The following SH3D19 variants were observed in gnomAD, a reference collection of about 807,000 sequenced individuals.
SH3D19 encodes the protein SH3 domain-containing protein 19.
A neutral mutation model predicts 112.1 loss-of-function variants in SH3D19; 58 were observed. The ratio of observed to expected loss-of-function variants is 0.52; its 90% CI spans 0.42 to 0.64. The LOEUF is 0.64. Among genes scored for constraint, SH3D19 ranks in the 30% least tolerant of loss-of-function variants. The pLI is 0.00. For synonymous variants in SH3D19, 391 were observed against 448.5 expected (o/e 0.87, Z 1.62); for missense variants, 1,090 against 1,263.4 (o/e 0.86, Z 2.08).
intron 2 of SH3D19, among the ~76,000 whole-genome samples, chr4:151,203,115 C>A (rs528525015): frequency 6.6e-6 from 1 of 152,214 alleles, no homozygotes; most frequent in South Asian, 2.1e-4. Flanking sequence ...CTAATCCCAC[C>A]TCATTCCCAC....
intron 1 of SH3D19, among the ~76,000 whole-genome samples, chr4:151,300,299 G>A (rs6852223): frequency 0.079 from 12,028 of 152,046 alleles, 534 homozygotes; most frequent in Middle Eastern, 0.12. Flanking sequence ...TGGACTATGC[G>A]TGATACTATA....
In SH3D19 at chr4:151,247,481, T is replaced by C. The variant is rs538661337; in HGVS notation, c.113-21395A>G. 9.6e-4 allele frequency among the ~76,000 whole-genome samples: 147 copies of C among 152,356 alleles called. 1 individual carries two copies. Among genetic ancestry groups the C allele is most frequent in the African/African-American group, 3.5e-3 (144 of 41,586 alleles). ...TCAGATACAGTCATATATTTTCTAT[T>C]TCTTTTAAAAAATTAAACAGATTCT... On this transcript the variant is annotated intron_variant, in intron 1 of 19. Transcript: ENST00000604030.
chr4:151,189,823 G>T (rs1762361727), intron 2 of SH3D19, among the ~76,000 whole-genome samples: 1 of 152,182 alleles, frequency 6.6e-6, no homozygotes, highest in Non-Finnish European at 1.5e-5. Context: ...GGTACTAGTA[G>T]AGTGGGTGCT....
intron 1 of SH3D19, among the ~76,000 whole-genome samples, chr4:151,251,361 G>A (rs1467389721): frequency 1.3e-5 from 2 of 151,922 alleles, no homozygotes; most frequent in East Asian, 3.9e-4. Flanking sequence ...ACCATGCCCA[G>A]CTAATTTTTG....
chr4:151,166,939 T>C (rs1186480239), intron 7 of SH3D19, among the ~76,000 whole-genome samples: 3 of 152,210 alleles, frequency 2.0e-5, no homozygotes, highest in Admixed American at 2.0e-4. Context: ...CACATATTTA[T>C]GCCAGTAACA....
chr4:151,323,258 C>T (rs1730727451), intron 1 of SH3D19, among the ~76,000 whole-genome samples: 1 of 152,038 alleles, frequency 6.6e-6, no homozygotes, highest in South Asian at 2.1e-4. Context: ...GAAAAGGAAA[C>T]TCTTTAGATT....
rs186989725 is a variant in SH3D19, at chr4:151,237,406, G to A, written c.113-11320C>T. On this transcript the variant is annotated intron_variant, in intron 1 of 19. Coordinates refer to ENST00000604030, the MANE Select transcript of SH3D19 (RefSeq NM_001378122.1). Reference sequence around the variant, plus strand: ...ATAACAGCTTACATAAAGAAGGTCAGCACCAATTGCTTACCATCTCCAGGT... The same window carrying A: ...ATAACAGCTTACATAAAGAAGGTCAACACCAATTGCTTACCATCTCCAGGT... Among the ~76,000 whole-genome samples the A allele has an allele frequency of 1.3e-5, 2 of 152,314 alleles. 1 individual carries two copies. Among genetic ancestry groups the A allele is most frequent in the Non-Finnish European group, 2.9e-5 (2 of 68,030 alleles).
chr4:151,239,754 AAC>A (rs1174173353), intron 1 of SH3D19, among the ~76,000 whole-genome samples: 2 of 152,188 alleles, frequency 1.3e-5, no homozygotes, highest in African/African-American at 4.8e-5. Flanking sequence ...AGCCAAGAAA[AAC>A]AGATTCAAGA....
chr4:151,185,726 A>T (rs531685615), intron 3 of SH3D19, among the ~76,000 whole-genome samples: 1 of 152,328 alleles, frequency 6.6e-6, no homozygotes, highest in South Asian at 2.1e-4. Context: ...AATTGTTCAA[A>T]TGCATATTCT....
At chr4:151,305,957 T>C (rs181803971) in intron 1 of SH3D19, among the ~76,000 whole-genome samples, 309 of 152,306 alleles carry the variant, frequency 2.0e-3, no homozygotes, top group African/African-American at 7.1e-3. Context: ...GTAAAACAGA[T>C]CAAACTATTG....
chr4:151,128,069 CAGACA>C, intron 18 of SH3D19, 96 bp downstream of exon 18: 1 of 944,962 alleles, frequency 1.1e-6, no homozygotes, highest in African/African-American at 1.7e-5. Context: ...CAAATATAGA[CAGACA>C]AACTGAGCAT....
chr4:151,215,832 CTTTT>C (rs112932689), intron 2 of SH3D19, among the ~76,000 whole-genome samples: 1 of 145,800 alleles, frequency 6.9e-6, no homozygotes, highest in Non-Finnish European at 1.5e-5. Context: ...AGGGTTTTAC[CTTTT>C]TTTTTTTTTG....
At chr4:151,162,109 C>T (rs1264289323) in intron 8 of SH3D19, among the ~76,000 whole-genome samples, 3 of 151,990 alleles carry the variant, frequency 2.0e-5, no homozygotes, top group Non-Finnish European at 2.9e-5. Context: ...TTTTAAGCCC[C>T]GCATGCATTA....
chr4:151,164,200 G>A (rs1386833799), intron 8 of SH3D19, among the ~76,000 whole-genome samples: 1 of 152,138 alleles, frequency 6.6e-6, no homozygotes, highest in African/African-American at 2.4e-5. Context: ...TGCTTTAGGA[G>A]GAATGAAGTG....
intron 2 of SH3D19, among the ~76,000 whole-genome samples, chr4:151,211,270 C>CA (rs541426168): frequency 0.03 from 3,159 of 103,720 alleles, 85 homozygotes; most frequent in African/African-American, 0.084. Flanking sequence ...AACTCCATCT[C>CA]AAAAAAAAAA....
At chr4:151,238,447 T>C (rs1183261106) in intron 1 of SH3D19, among the ~76,000 whole-genome samples, 1 of 152,194 alleles carries the variant, frequency 6.6e-6, no homozygotes, top group African/African-American at 2.4e-5. Context: ...GATTTTATTT[T>C]CTTTAAAGGG....
At position 151,165,570 on chromosome 4, in the gene SH3D19, A is replaced by G. The variant is rs1304638801; in HGVS notation, c.1642+19T>C. ...CAGCCTCTTGAAGAAGCTAATAAAG[A>G]AAGCAGAGAAGTGCTTACATTTTCC... On this transcript the variant is annotated intron_variant, in intron 8 of 19. Transcript: ENST00000604030. 2 of 1,577,490 alleles carry G rather than the reference A, an allele frequency of 1.3e-6. No homozygotes were observed. The highest frequency in any genetic ancestry group is 1.7e-6 in the Non-Finnish European group (2 of 1,149,424).
intron 1 of SH3D19, among the ~76,000 whole-genome samples, chr4:151,269,806 AT>A (rs1043940583): frequency 6.6e-6 from 1 of 151,244 alleles, no homozygotes; most frequent in Non-Finnish European, 1.5e-5. Flanking sequence ...CTTTTTAAAA[AT>A]TTTTTATTTT....
chr4:151,247,464 A>G (rs1771024909), intron 1 of SH3D19, among the ~76,000 whole-genome samples: 2 of 152,226 alleles, frequency 1.3e-5, no homozygotes, highest in Admixed American at 1.3e-4. Flanking sequence ...AGTCAGATAC[A>G]GTCATATATT....
Sources: allele counts gnomAD v4.1 joint callset (sites outside exome capture counted in the v4.1 genomes callset), GRCh38; gene constraint gnomAD v4.1.1; transcripts MANE v1.5; gene names NCBI Gene and HGNC (gene_info 2026-07-23, HGNC 2026-07-21).